Variants in SS18 observed in about 807,000 individuals in gnomAD.
The protein encoded by SS18 is SS18 subunit of BAF chromatin remodeling complex, also known as protein SSXT.
In SS18, 28 loss-of-function variants were observed where a neutral mutation model predicts 72.5. That is an observed-to-expected ratio of 0.39 (90% CI 0.29 to 0.53). SS18 has a LOEUF of 0.53. Among genes scored for constraint, SS18 ranks in the 20% least tolerant of loss-of-function variants. The pLI is 0.76. For synonymous variants in SS18, 172 were observed against 164.2 expected, an observed-to-expected ratio of 1.05 and a Z score of -0.37; for missense variants, 518 against 535.3, an observed-to-expected ratio of 0.97 and a Z score of 0.32.
chr18:26,052,001 A>G, intron 5 of SS18, among the ~76,000 whole-genome samples: 1 of 152,214 alleles, frequency 6.6e-6, no homozygotes. Context: ...AATAGCATTA[A>G]CCTGGAAATA....
chr18:26,075,760 G>T (rs2054400408), intron 3 of SS18, among the ~76,000 whole-genome samples: 1 of 151,814 alleles, frequency 6.6e-6, no homozygotes, highest in Admixed American at 6.6e-5. Flanking sequence ...AGAAATAAAA[G>T]GTGTAAGGAT....
chr18:26,036,173 C>G (rs2053623364), intron 7 of SS18, among the ~76,000 whole-genome samples: 1 of 141,812 alleles, frequency 7.1e-6, no homozygotes, highest in East Asian at 2.0e-4. Flanking sequence ...ATCTGATAAT[C>G]CTCATTGAGG....
chr18:26,065,412 C>A (rs2054194823), intron 3 of SS18, among the ~76,000 whole-genome samples: 1 of 152,022 alleles, frequency 6.6e-6, no homozygotes, highest in Non-Finnish European at 1.5e-5. Flanking sequence ...CACAACGAAA[C>A]AACTTACATC....
intron 5 of SS18, among the ~76,000 whole-genome samples, chr18:26,049,878 T>C (rs888050172): frequency 6.6e-6 from 1 of 152,050 alleles, no homozygotes; most frequent in East Asian, 1.9e-4. Flanking sequence ...ACAGTGACAA[T>C]AACATGGGAA....
intron 2 of SS18, among the ~76,000 whole-genome samples, chr18:26,078,811 C>T (rs2054465970): frequency 6.6e-6 from 1 of 152,198 alleles, no homozygotes; most frequent in Non-Finnish European, 1.5e-5. Flanking sequence ...TGCCTGAACC[C>T]AGGAGGCAAA....
At chr18:26,069,876 T>C (rs1161620012) in intron 3 of SS18, among the ~76,000 whole-genome samples, 1 of 152,200 alleles carries the variant, frequency 6.6e-6, no homozygotes, top group Non-Finnish European at 1.5e-5. Flanking sequence ...TAGCAGATGA[T>C]AAAAAATAAA....
At chr18:26,045,219 A>G (rs1598558183) in intron 5 of SS18, among the ~76,000 whole-genome samples, 1 of 152,204 alleles carries the variant, frequency 6.6e-6, no homozygotes, top group East Asian at 1.9e-4. Flanking sequence ...AAAACCATAT[A>G]TTCAGATCAT....
intron 2 of SS18, chr18:26,080,206 T>A (rs776530646): frequency 3.3e-6 from 1 of 305,964 alleles, no homozygotes; most frequent in Admixed American, 6.5e-5. Context: ...AACTATTTCA[T>A]TATTCTGTAG....
At chr18:26,053,855 T>C (rs2143989919) in intron 4 of SS18, among the ~76,000 whole-genome samples, 1 of 152,312 alleles carries the variant, frequency 6.6e-6, no homozygotes, top group Non-Finnish European at 1.5e-5. Context: ...AACAGAAATC[T>C]TACTTATATT....
At chr18:26,077,897 G>C (rs575370100) in intron 3 of SS18, among the ~76,000 whole-genome samples, 179 bp downstream of exon 3, 2 of 152,154 alleles carry the variant, frequency 1.3e-5, no homozygotes, top group Non-Finnish European at 2.9e-5. Context: ...ATCAATTTTA[G>C]GTGAATTCAA....
At chr18:26,020,240 G>A (rs1417785283) in intron 10 of SS18, among the ~76,000 whole-genome samples, 2 of 152,156 alleles carry the variant, frequency 1.3e-5, no homozygotes, top group African/African-American at 4.8e-5. Flanking sequence ...TCATCAGTGG[G>A]AGAGTAACAT....
At chr18:26,034,904 G>A (rs2053601467) in intron 9 of SS18, 101 bp downstream of exon 9, 3 of 1,419,776 alleles carry the variant, frequency 2.1e-6, no homozygotes. Flanking sequence ...GAATTTTCAA[G>A]TGATAATTCT....
chr18:26,042,894 T>G (rs1440766850), intron 5 of SS18, among the ~76,000 whole-genome samples: 2 of 152,142 alleles, frequency 1.3e-5, no homozygotes, highest in African/African-American at 4.8e-5. Context: ...TATAGAACAT[T>G]CATACATATA....
At chr18:26,080,031 T>C (rs1349910582) in intron 2 of SS18, among the ~76,000 whole-genome samples, 1 of 152,200 alleles carries the variant, frequency 6.6e-6, no homozygotes, top group East Asian at 1.9e-4. Flanking sequence ...TTTTAATGCT[T>C]TGCGTCACAT....
Position 26,049,265 on chromosome 18 carries a change from G to A in SS18, c.607+3359C>T, listed in dbSNP as rs74515500. Among the ~76,000 whole-genome samples the A allele has an allele frequency of 9.0e-3, 1,282 of 143,032 alleles. 18 individuals are homozygous for A. The highest frequency in any genetic ancestry group is 0.037 in the African/African-American group (1,247 of 33,370). 93.8% of individuals were successfully genotyped at this position (143,032 alleles called of 152,430 possible). On this transcript the variant is annotated intron_variant, in intron 5 of 10. Coordinates refer to ENST00000415083, the MANE Select transcript of SS18 (RefSeq NM_001007559.3). ...TACACAATTTGCCTTTTCATACACT[G>A]AATGTACTTGTTGATTAAATAAACA... is the stretch of plus-strand genomic sequence containing the variant.
In SS18 at chr18:26,027,670, C is replaced by CT. The variant is rs1214680602; in HGVS notation, c.1230+4728dup. ...CTGGTGGTGACAGAGCGAGACTCAT[C>CT]TAAAAAAAAAAAAAAAAAAAAAAAA... On this transcript the variant is annotated intron_variant, in intron 10 of 10. Transcript: ENST00000415083. Among the ~76,000 whole-genome samples the CT allele has an allele frequency of 5.5e-3, 174 of 31,644 alleles. 1 individual carries two copies. Among genetic ancestry groups the CT allele is most frequent in the African/African-American group, 0.028 (166 of 6,004 alleles). 20.8% of individuals were successfully genotyped at this position (31,644 alleles called of 152,430 possible). A position where few individuals can be genotyped will look rare whatever the true frequency, so the allele number is the denominator to read the frequency against.
intron 4 of SS18, among the ~76,000 whole-genome samples, chr18:26,055,564 T>C (rs1345042360): frequency 6.6e-6 from 1 of 151,968 alleles, no homozygotes; most frequent in East Asian, 1.9e-4. Context: ...TAAAACTGAG[T>C]CTACATAATG....
At chr18:26,041,387 G>C (rs1442364876) in intron 5 of SS18, among the ~76,000 whole-genome samples, 2 of 152,104 alleles carry the variant, frequency 1.3e-5, no homozygotes, top group Admixed American at 6.6e-5. Context: ...TCATGTAACT[G>C]CACCCCAGCC....
rs1253616893 is a variant in SS18 at position 26,087,542 on chromosome 18, T to G, written c.105A>C (p.Ile35=). 1 of 1,599,168 alleles carries G rather than the reference T, an allele frequency of 6.3e-7. No homozygotes were observed. Among genetic ancestry groups the G allele is most frequent in the Non-Finnish European group, 8.5e-7 (1 of 1,170,422 alleles). The change falls in exon 2 of 11, where the codon ATA becomes ATC. Residue 35 remains isoleucine, a synonymous_variant. Transcript: ENST00000415083. The part of the protein sequence containing the change: ...LDDNNHLIQC[I]MDSQNKGKTS... ...TCTTTCCTTTATTCTGAGAGTCCAT[T>G]ATACACTGAATAAGATGGTTATTGT...
Sources: gnomAD v4.1 joint callset for allele counts (sites outside exome capture counted in the v4.1 genomes callset) on GRCh38, gnomAD v4.1.1 for gene constraint, MANE v1.5 for transcripts, NCBI Gene and HGNC (gene_info 2026-07-23, HGNC 2026-07-21) for gene names.